Variants in BPNT2 observed in about 807,000 individuals in gnomAD.
BPNT2 encodes the protein Golgi-resident adenosine 3',5'-bisphosphate 3'-phosphatase.
A neutral mutation model predicts 29.3 loss-of-function variants in BPNT2; 11 were observed. That is an observed-to-expected ratio of 0.38 (90% CI 0.24 to 0.62). The LOEUF is 0.62. BPNT2 is among the 20% of genes least tolerant of loss of function. The pLI is 0.62. For synonymous variants in BPNT2, 195 were observed against 187.7 expected (o/e 1.04, Z -0.32); for missense variants, 459 against 473.4 (o/e 0.97, Z 0.28).
intron 3 of BPNT2, among the ~76,000 whole-genome samples, chr8:56,972,080 C>T (rs996763622): frequency 4.6e-5 from 7 of 150,830 alleles, no homozygotes; most frequent in Admixed American, 1.3e-4. Context: ...AGCGAGACTC[C>T]GTCTCAAAAA....
In BPNT2 at chr8:56,971,269, T is replaced by TA. The variant is rs10551418; in HGVS notation, c.647-4918dup. ...GTTTATTTTACCTGTAAGATAAGCT[T>TA]AAAAAAAAAAAAAAAAAAGCCCAGT... On this transcript the variant is annotated intron_variant, in intron 3 of 4. Coordinates refer to ENST00000262644, the MANE Select transcript of BPNT2 (RefSeq NM_017813.5). 6.0e-3 allele frequency among the ~76,000 whole-genome samples: 740 copies of TA among 122,576 alleles called. 5 individuals carry two copies. Among genetic ancestry groups the TA allele is most frequent in the African/African-American group, 0.015 (497 of 33,366 alleles). The allele number at this position is 122,576 out of a possible 152,430, so 80.4% of individuals were successfully genotyped here. A position where few individuals can be genotyped will look rare whatever the true frequency, so the allele number is the denominator to read the frequency against.
rs575541860 is a variant in BPNT2 at position 56,982,151 on chromosome 8, G to T, written c.388-1954C>A. On this transcript the variant is annotated intron_variant, in intron 1 of 4. Transcript: ENST00000262644. Reference sequence around the variant, plus strand: ...CTTTTTTTTTTTTTTTTGAGACGGAGTCTCGCTCTGTCACCAGGTTGGAGT... The same window carrying T: ...CTTTTTTTTTTTTTTTTGAGACGGATTCTCGCTCTGTCACCAGGTTGGAGT... 1.8e-4 allele frequency among the ~76,000 whole-genome samples: 26 copies of T among 148,218 alleles called. No individual in the cohort carries two copies. The South Asian group carries it at 4.2e-3, about 24-fold the overall frequency.
intron 1 of BPNT2, among the ~76,000 whole-genome samples, chr8:56,988,961 T>C (rs1212494939): frequency 6.6e-6 from 1 of 152,126 alleles, no homozygotes; most frequent in East Asian, 1.9e-4. Context: ...TCAAAAGATA[T>C]AAGCTCTCAC....
At position 56,971,779 on chromosome 8, in the gene BPNT2, A is replaced by ACCCCC. The variant is rs1242175246; in HGVS notation, c.647-5428_647-5427insGGGGG. 5.7e-3 allele frequency among the ~76,000 whole-genome samples: 215 copies of ACCCCC among 37,884 alleles called. 3 individuals are homozygous for ACCCCC. The highest frequency in any genetic ancestry group is 0.022 in the Middle Eastern group (1 of 46). 24.9% of individuals were successfully genotyped at this position (37,884 alleles called of 152,430 possible). A position where few individuals can be genotyped will look rare whatever the true frequency, so the allele number is the denominator to read the frequency against. Reference sequence around the variant, plus strand: ...GTATGTATTACTGAAATAATTTTGTACCACCCCCCCCCCCACAATGCTACT... The same window carrying ACCCCC: ...GTATGTATTACTGAAATAATTTTGTACCCCCCCACCCCCCCCCCCACAATGCTACT... On this transcript the variant is annotated intron_variant, in intron 3 of 4. Coordinates refer to ENST00000262644, the MANE Select transcript of BPNT2 (RefSeq NM_017813.5).
Position 56,963,078 on chromosome 8 carries a change from A to G in BPNT2, c.*715T>C, listed in dbSNP as rs1168004861. On this transcript the variant is annotated 3_prime_UTR_variant, in exon 5 of 5. Coordinates refer to ENST00000262644, the MANE Select transcript of BPNT2 (RefSeq NM_017813.5). The stretch of plus-strand genomic sequence containing the variant: ...CCACAGGGAAAATGAAAATAGCAAG[A>G]TGGCAGAAATGCTGAACTCATGGGT... The G allele has an allele frequency of 6.6e-6, 1 of 152,248 alleles. No homozygotes were observed. The highest frequency in any genetic ancestry group is 1.5e-5 in the Non-Finnish European group (1 of 68,056). The allele number at this position is 152,248 out of a possible 1,614,324, so 9.4% of individuals were successfully genotyped here.
chr8:56,979,969 T>C (rs978427960), intron 2 of BPNT2, 66 bp downstream of exon 2: 4 of 1,447,996 alleles, frequency 2.8e-6, no homozygotes, highest in Non-Finnish European at 1.9e-6. Context: ...ATAGGAAGTA[T>C]GCCTTGGTTC....
rs1466522366 is a variant in BPNT2, at chr8:56,960,749, T to C, written c.*3044A>G. ...TACATTTACATTCTTGAACAATGGG[T>C]AGAAAGAAATACTTCGTAAAAACAC... On this transcript the variant is annotated 3_prime_UTR_variant, in exon 5 of 5. Transcript: ENST00000262644. 1.3e-5 allele frequency: 2 copies of C among 152,110 alleles called. No homozygotes were observed. The highest frequency in any genetic ancestry group is 6.6e-5 in the Admixed American group (1 of 15,264). The allele number at this position is 152,110 out of a possible 1,614,324, so 9.4% of individuals were successfully genotyped here.
At chr8:56,965,328 A>AAAAAC (rs1008593986) in intron 4 of BPNT2, among the ~76,000 whole-genome samples, 6 of 152,234 alleles carry the variant, frequency 3.9e-5, no homozygotes, top group Non-Finnish European at 7.3e-5. Flanking sequence ...CAAAAAAAGA[A>AAAAAC]AAAACAAAAC....
intron 3 of BPNT2, among the ~76,000 whole-genome samples, chr8:56,971,791 C>CCCG (rs1554539142): frequency 1.4e-5 from 2 of 146,954 alleles, no homozygotes; most frequent in South Asian, 4.6e-4. Flanking sequence ...CACCCCCCCC[C>CCCG]CCACAATGCT....
In BPNT2 at chr8:56,992,610, C is replaced by T. The variant is rs978709442; in HGVS notation, c.387+589G>A. ...CCAACAGCTGGTATATTTCTAAGTACCTCCTTAAAGGGCCCGCAAACTATA... is the reference window on the plus strand; with the variant it reads ...CCAACAGCTGGTATATTTCTAAGTATCTCCTTAAAGGGCCCGCAAACTATA... On this transcript the variant is annotated intron_variant, in intron 1 of 4. Transcript: ENST00000262644. Among the ~76,000 whole-genome samples the T allele has an allele frequency of 2.8e-4, 42 of 152,114 alleles. 1 individual carries two copies. The highest frequency in any genetic ancestry group is 9.2e-4 in the African/African-American group (38 of 41,466).
Position 56,958,500 on chromosome 8 carries a change from T to C in BPNT2, c.*5293A>G, listed in dbSNP as rs1196609142. The C allele has an allele frequency of 1.3e-5, 2 of 152,190 alleles. No individual in the cohort carries two copies. The highest frequency in any genetic ancestry group is 2.9e-5 in the Non-Finnish European group (2 of 68,034). The allele number at this position is 152,190 out of a possible 1,614,324, so 9.4% of individuals were successfully genotyped here. A position where few individuals can be genotyped will look rare whatever the true frequency, so the allele number is the denominator to read the frequency against. On this transcript the variant is annotated 3_prime_UTR_variant, in exon 5 of 5. Transcript: ENST00000262644. ...TGTCTAAGCATGTGACGGCAACAGC[T>C]AATGGTCTAGTTCCTCCATGGCTTT...
rs1278891844 is a variant in BPNT2 at position 56,963,902 on chromosome 8, C to T, written c.971G>A (p.Ser324Asn). The change falls in exon 5 of 5, where the codon AGT becomes AAT. Residue 324 changes from serine (S) to asparagine (N), a missense_variant. Ser to Asn is a conservative substitution (Grantham distance 46, BLOSUM62 1). Transcript: ENST00000262644. ...TTCAATGCCGTCTGAACCAGTGTAA[C>T]TGATTTCTTCACCACTCAGGGTAGT... ...HMTTLSGEEISYTGSDGIEGG... is the reference protein window; with the variant it reads ...HMTTLSGEEINYTGSDGIEGG... 1 of 1,614,108 alleles carries T rather than the reference C, an allele frequency of 6.2e-7. No homozygotes were observed.
At chr8:56,980,279 A>C in intron 1 of BPNT2, 82 bp from the exon 2 acceptor site, 1 of 1,050,490 alleles carries the variant, frequency 9.5e-7, no homozygotes, top group Non-Finnish European at 1.5e-6. Flanking sequence ...TTCAGACAAC[A>C]ATCACCCAAA....
At chr8:56,973,691 C>T (rs1304048710) in intron 3 of BPNT2, among the ~76,000 whole-genome samples, 4 of 152,136 alleles carry the variant, frequency 2.6e-5, no homozygotes, top group East Asian at 1.9e-4. Flanking sequence ...CAGGGCTAGA[C>T]GATGAGAAAG....
At chr8:56,979,113 C>G (rs1806197340) in intron 2 of BPNT2, among the ~76,000 whole-genome samples, 1 of 152,098 alleles carries the variant, frequency 6.6e-6, no homozygotes, top group Non-Finnish European at 1.5e-5. Flanking sequence ...CAAAAGAGTT[C>G]TGGTTCTACA....
chr8:56,966,709 A>T (rs1307366074), intron 3 of BPNT2, among the ~76,000 whole-genome samples: 1 of 152,090 alleles, frequency 6.6e-6, no homozygotes, highest in Non-Finnish European at 1.5e-5. Context: ...CACAGTTGTG[A>T]TCCCAACAGC....
At chr8:56,973,841 A>G (rs1349710859) in intron 3 of BPNT2, among the ~76,000 whole-genome samples, 1 of 152,236 alleles carries the variant, frequency 6.6e-6, no homozygotes, top group Non-Finnish European at 1.5e-5. Context: ...TAAAGCAAAT[A>G]AGGAAGGATT....
intron 1 of BPNT2, among the ~76,000 whole-genome samples, chr8:56,988,414 T>C (rs148720348): frequency 1.0e-3 from 157 of 152,286 alleles, no homozygotes; most frequent in East Asian, 3.9e-3. Flanking sequence ...AATTACCTCA[T>C]TGGTAAAAAG....
intron 1 of BPNT2, among the ~76,000 whole-genome samples, chr8:56,986,813 T>C (rs572397503): frequency 7.9e-5 from 12 of 152,208 alleles, no homozygotes; most frequent in Non-Finnish European, 1.5e-4. Context: ...GTTGTATGGG[T>C]ACTACAAGTA....
Sources: gnomAD v4.1 joint callset for allele counts (sites outside exome capture counted in the v4.1 genomes callset) on GRCh38, gnomAD v4.1.1 for gene constraint, MANE v1.5 for transcripts, NCBI Gene and HGNC (gene_info 2026-07-23, HGNC 2026-07-21) for gene names.